Variants in SHISAL1 observed in about 807,000 individuals in gnomAD.
The protein encoded by SHISAL1 is shisa like 1.
In SHISAL1, 9 loss-of-function variants were observed where a neutral mutation model predicts 22.6. That is an observed-to-expected ratio of 0.40 (90% CI 0.24 to 0.70). The LOEUF is 0.70. Ranked by LOEUF, SHISAL1 falls within the 30% of genes least tolerant of loss-of-function variation. SHISAL1 has a pLI of 0.39. For synonymous variants in SHISAL1, 119 were observed against 115.4 expected (o/e 1.03, Z -0.20); for missense variants, 246 against 270.6 (o/e 0.91, Z 0.64).
chr22:44,270,784 G>A (rs773229000), intron 4 of SHISAL1, among the ~76,000 whole-genome samples: 23 of 152,176 alleles, frequency 1.5e-4, no homozygotes, highest in Non-Finnish European at 2.9e-4. Context: ...GAGACCACCA[G>A]CACCACTGAC....
rs80172604 is a variant in SHISAL1, at chr22:44,289,705, C to T, written c.282-3960G>A. ...CAGGCCATGGGCACTATGCTGAAACCACTCCCCTGGCCTGCCACGGCTGGC... is the reference window on the plus strand; with the variant it reads ...CAGGCCATGGGCACTATGCTGAAACTACTCCCCTGGCCTGCCACGGCTGGC... On this transcript the variant is annotated intron_variant, in intron 3 of 4. Coordinates refer to ENST00000381176, the MANE Select transcript of SHISAL1 (RefSeq NM_001099294.2). Among the ~76,000 whole-genome samples, 447 of 152,342 alleles carry T rather than the reference C, an allele frequency of 2.9e-3. 4 individuals are homozygous for T. Among genetic ancestry groups the T allele is most frequent in the African/African-American group, 0.01 (435 of 41,580 alleles).
rs2055307860 is a variant in SHISAL1, at chr22:44,285,543, C to T, written c.484G>A (p.Ala162Thr). Residue 162 changes from alanine (A) to threonine (T), a missense_variant, in exon 4 of 5, where the codon GCC becomes ACC. Ala to Thr is a moderately conservative substitution (Grantham distance 58, BLOSUM62 0). Coordinates refer to ENST00000381176, the MANE Select transcript of SHISAL1 (RefSeq NM_001099294.2). ...PARAPRPGQR[A>T]PQPQPPPGPL... ...CCTGGGGGAGGCTGCGGCTGTGGGG[C>T]CCGCTGACCCGGCCGAGGGGCCCGA... 6 of 1,538,110 alleles carry T rather than the reference C, an allele frequency of 3.9e-6. No homozygotes were observed. The highest frequency in any genetic ancestry group is 3.3e-5 in the South Asian group (3 of 90,278).
chr22:44,253,253 C>CA (rs538770980), intron 4 of SHISAL1, among the ~76,000 whole-genome samples: 1 of 151,694 alleles, frequency 6.6e-6, no homozygotes, highest in Non-Finnish European at 1.5e-5. Context: ...GAAGTCAGGG[C>CA]AAAAAATACT....
At chr22:44,275,375 C>T (rs571819392) in intron 4 of SHISAL1, among the ~76,000 whole-genome samples, 152 of 152,322 alleles carry the variant, frequency 1.0e-3, no homozygotes, top group Middle Eastern at 3.4e-3. Flanking sequence ...CCTGGCAGCC[C>T]GCGAAGGGGC....
chr22:44,252,000 A>T (rs992473477), intron 4 of SHISAL1, among the ~76,000 whole-genome samples: 2 of 152,220 alleles, frequency 1.3e-5, no homozygotes, highest in African/African-American at 4.8e-5. Flanking sequence ...CAATGAAGAG[A>T]AATTATAAAT....
chr22:44,325,706 C>T, the SHISAL1 span, among the ~76,000 whole-genome samples: 3 of 152,040 alleles, frequency 2.0e-5, no homozygotes, highest in African/African-American at 7.2e-5. Flanking sequence ...CCTTGGGCTA[C>T]CCAAGGGCAG....
At chr22:44,261,077 T>A (rs1340254567) in intron 4 of SHISAL1, among the ~76,000 whole-genome samples, 9 of 108,726 alleles carry the variant, frequency 8.3e-5, no homozygotes, top group East Asian at 3.1e-4. Context: ...CTTCATTACT[T>A]TATATATATA....
At chr22:44,305,885 T>C (rs893436568) in intron 1 of SHISAL1, among the ~76,000 whole-genome samples, 1 of 152,192 alleles carries the variant, frequency 6.6e-6, no homozygotes, top group Non-Finnish European at 1.5e-5. Context: ...TGGGGGATTC[T>C]GCATGAGGAG....
At chr22:44,326,659 T>C in the SHISAL1 span, among the ~76,000 whole-genome samples, 1 of 152,110 alleles carries the variant, frequency 6.6e-6, no homozygotes, top group Non-Finnish European at 1.5e-5. Flanking sequence ...GGGGTAGGTG[T>C]GCGTGCAGGC....
chr22:44,316,192 C>T (rs2055557673), upstream of SHISAL1, among the ~76,000 whole-genome samples: 1 of 152,084 alleles, frequency 6.6e-6, no homozygotes, highest in Non-Finnish European at 1.5e-5. Flanking sequence ...CGTGGTGCAC[C>T]CTGGGGAGAG....
In SHISAL1 at chr22:44,310,463, GA is replaced by G. The variant is rs2055510710; in HGVS notation, c.-33+2287del. Among the ~76,000 whole-genome samples the G allele has an allele frequency of 6.6e-6, 1 of 152,178 alleles. No homozygotes were observed. The highest frequency in any genetic ancestry group is 1.5e-5 in the Non-Finnish European group (1 of 68,032). On this transcript the variant is annotated intron_variant, in intron 1 of 4. Coordinates refer to ENST00000381176, the MANE Select transcript of SHISAL1 (RefSeq NM_001099294.2). The surrounding 1 kb of genome is among the most constrained non-coding windows in gnomAD (Gnocchi z 4.0). ...AGCGAGTCTCCTTGGCCTTGGATCAGAGCTTTATCACTAACTAGCTGGGTGA... is the reference window on the plus strand; with the variant it reads ...AGCGAGTCTCCTTGGCCTTGGATCAGGCTTTATCACTAACTAGCTGGGTGA...
intron 2 of SHISAL1, among the ~76,000 whole-genome samples, chr22:44,298,265 A>C (rs2055401575): frequency 6.6e-6 from 1 of 152,196 alleles, no homozygotes; most frequent in Non-Finnish European, 1.5e-5. Context: ...ACCCCATCTC[A>C]TTTATTCCCA....
intron 3 of SHISAL1, among the ~76,000 whole-genome samples, chr22:44,295,116 G>A (rs902214977): frequency 2.0e-5 from 3 of 152,042 alleles, no homozygotes; most frequent in African/African-American, 7.2e-5. Flanking sequence ...AGAGCCAGGA[G>A]GAGCCCATTA....
chr22:44,296,838 CT>C lies in SHISAL1; in HGVS notation c.114del (p.Gly39AlafsTer41). 1.2e-6 allele frequency: 2 copies of C among 1,613,358 alleles called. No individual in the cohort carries two copies. Among genetic ancestry groups the C allele is most frequent in the Non-Finnish European group, 1.7e-6 (2 of 1,180,034 alleles). On this transcript the variant is annotated frameshift_variant, in exon 3 of 5. Transcript: ENST00000381176. LOFTEE classifies it high-confidence loss of function. ...CAGTGGAAGCCAAAGTGGTAGCGGCCTTTGTGGTCTGTGTATGGTTCACAGA... is the reference window on the plus strand; with the variant it reads ...CAGTGGAAGCCAAAGTGGTAGCGGCCTTGTGGTCTGTGTATGGTTCACAGA... ...FRVCEPYTDH[K>X]GRYHFGFHCP...
the SHISAL1 span, among the ~76,000 whole-genome samples, chr22:44,320,978 C>G: frequency 6.6e-6 from 1 of 152,188 alleles, no homozygotes; most frequent in Non-Finnish European, 1.5e-5. Context: ...GGGGCATCAT[C>G]GTCCCCATTA....
chr22:44,274,103 G>A (rs562589303), intron 4 of SHISAL1, among the ~76,000 whole-genome samples: 16 of 127,196 alleles, frequency 1.3e-4, no homozygotes, highest in East Asian at 7.3e-4. Context: ...AAAATTAGGC[G>A]GACGTGGTGG....
the SHISAL1 span, among the ~76,000 whole-genome samples, chr22:44,324,061 T>C: frequency 1.3e-5 from 2 of 152,170 alleles, no homozygotes; most frequent in Non-Finnish European, 2.9e-5. Context: ...GGATTTGAAA[T>C]CTTACTGTCT....
intron 4 of SHISAL1, among the ~76,000 whole-genome samples, chr22:44,282,037 G>C (rs544928809): frequency 3.3e-4 from 51 of 152,314 alleles, no homozygotes; most frequent in African/African-American, 1.2e-3. Flanking sequence ...ACCAAGAGGC[G>C]GGGGCTGTGT....
At chr22:44,258,136 G>A (rs945744741) in intron 4 of SHISAL1, among the ~76,000 whole-genome samples, 71 of 152,024 alleles carry the variant, frequency 4.7e-4, no homozygotes, top group African/African-American at 1.5e-3. Flanking sequence ...ATGAAACTCC[G>A]TCTCTAAATA....
Sources: gnomAD v4.1 joint callset for allele counts (sites outside exome capture counted in the v4.1 genomes callset) on GRCh38, gnomAD v4.1.1 for gene constraint, Gnocchi (gnomAD v3.1) non-coding constraint, MANE v1.5 for transcripts, NCBI Gene and HGNC (gene_info 2026-07-23, HGNC 2026-07-21) for gene names.